Variants in PHF20 observed in about 807,000 individuals in gnomAD.
PHF20 encodes the protein glioma-expressed antigen 2.
Under a neutral mutation model 113.5 loss-of-function variants are expected in PHF20, and 23 were observed. That is an observed-to-expected ratio of 0.20 (90% CI 0.15 to 0.29). The LOEUF is 0.29. Ranked by LOEUF, PHF20 falls within the 10% of genes least tolerant of loss-of-function variation. The pLI is 1.00. For missense variants in PHF20, 943 were observed against 1,219.6 expected (o/e 0.77, Z 3.38); for synonymous variants, 434 against 457.3 (o/e 0.95, Z 0.65).
chr20:35,790,311 C>T (rs2041519621), intron 1 of PHF20, among the ~76,000 whole-genome samples: 1 of 152,058 alleles, frequency 6.6e-6, no homozygotes, highest in Non-Finnish European at 1.5e-5. Flanking sequence ...AGCGATTCTC[C>T]TTCCTCAGCC....
rs1015613794 is a variant in PHF20, at chr20:35,781,667, G to A, written c.-33+9588G>A. 8.7e-4 allele frequency among the ~76,000 whole-genome samples: 132 copies of A among 152,158 alleles called. 1 individual carries two copies. The highest frequency in any genetic ancestry group is 7.9e-4 in the Non-Finnish European group (54 of 68,012). ...CTCCTCAAAATTGAAACTCTGGGCC[G>A]GGTCCAGTGGCTCATGCCTGTAATC... On this transcript the variant is annotated intron_variant, in intron 1 of 17. Coordinates refer to ENST00000374012, the MANE Select transcript of PHF20 (RefSeq NM_016436.5).
intron 2 of PHF20, among the ~76,000 whole-genome samples, chr20:35,816,452 G>GA (rs2042074857): frequency 6.9e-6 from 1 of 143,952 alleles, no homozygotes; most frequent in Non-Finnish European, 1.5e-5. Context: ...CTTTTTTTAA[G>GA]TTTTTTTTTT....
At chr20:35,904,277 A>ATTTTTTTTT (rs34412788) in intron 10 of PHF20, among the ~76,000 whole-genome samples, 3 of 98,924 alleles carry the variant, frequency 3.0e-5, no homozygotes, top group East Asian at 3.0e-4. Context: ...GAATGCTCTG[A>ATTTTTTTTT]TTTTTTTTTT....
At chr20:35,845,780 CTTTTTTT>C (rs398061407) in intron 3 of PHF20, among the ~76,000 whole-genome samples, 2 of 135,286 alleles carry the variant, frequency 1.5e-5, no homozygotes, top group Non-Finnish European at 3.2e-5. Context: ...ATTTTTCTTT[CTTTTTTT>C]TTTTTTTTTT....
intron 2 of PHF20, among the ~76,000 whole-genome samples, chr20:35,829,258 T>A (rs1024735527): frequency 2.6e-5 from 4 of 152,220 alleles, no homozygotes; most frequent in South Asian, 2.1e-4. Context: ...ATTTTAATCA[T>A]TTTTAGGTGT....
In PHF20 at chr20:35,791,467, ATC is replaced by A. The variant is rs1600734532; in HGVS notation, c.-32-10022_-32-10021del. Among the ~76,000 whole-genome samples the A allele has an allele frequency of 4.6e-4, 61 of 133,120 alleles. 3 individuals are homozygous for A. In the East Asian group the frequency reaches 0.012, roughly 26 times the overall value. The allele number at this position is 133,120 out of a possible 152,430, so 87.3% of individuals were successfully genotyped here. A position where few individuals can be genotyped will look rare whatever the true frequency, so the allele number is the denominator to read the frequency against. On this transcript the variant is annotated intron_variant, in intron 1 of 17. Coordinates refer to ENST00000374012, the MANE Select transcript of PHF20 (RefSeq NM_016436.5). Reference sequence around the variant, plus strand: ...TATCTATCTATCTATCTATCTATCTATCTATCTATCTATCTATCTATCTATCT... The same window carrying A: ...TATCTATCTATCTATCTATCTATCTATATCTATCTATCTATCTATCTATCT...
intron 9 of PHF20, among the ~76,000 whole-genome samples, chr20:35,881,520 G>A (rs1386005649): frequency 1.3e-4 from 19 of 142,126 alleles, no homozygotes; most frequent in African/African-American, 4.7e-4. Flanking sequence ...CAGCCTGGGC[G>A]ACAGAGCAAG....
intron 2 of PHF20, among the ~76,000 whole-genome samples, chr20:35,832,357 TAG>T (rs1187694172): frequency 1.3e-5 from 2 of 152,218 alleles, no homozygotes; most frequent in African/African-American, 4.8e-5. Context: ...TTTGTACCTA[TAG>T]ACATACTTAG....
At chr20:35,894,643 T>C (rs1241349144) in intron 9 of PHF20, among the ~76,000 whole-genome samples, 1 of 152,236 alleles carries the variant, frequency 6.6e-6, no homozygotes, top group Non-Finnish European at 1.5e-5. Flanking sequence ...CCGTACACCT[T>C]TCTAAGCTCT....
chr20:35,790,224 G>A (rs1250903638), intron 1 of PHF20, among the ~76,000 whole-genome samples: 2 of 149,792 alleles, frequency 1.3e-5, no homozygotes, highest in Non-Finnish European at 3.0e-5. Context: ...TTTTTTTGAC[G>A]GAGTCTCGCT....
intron 15 of PHF20, among the ~76,000 whole-genome samples, chr20:35,937,295 T>TC (rs1047657857): frequency 3.3e-5 from 5 of 151,734 alleles, no homozygotes; most frequent in African/African-American, 9.7e-5. Context: ...ATGTAGAAAC[T>TC]CCATCTCTAC....
At chr20:35,942,880 G>T (rs1038548214) in intron 17 of PHF20, among the ~76,000 whole-genome samples, 1 of 151,856 alleles carries the variant, frequency 6.6e-6, no homozygotes, top group African/African-American at 2.4e-5. Context: ...CTGGAGTGCA[G>T]TGGTGCCATC....
intron 2 of PHF20, among the ~76,000 whole-genome samples, chr20:35,827,941 A>G (rs192275783): frequency 2.0e-5 from 3 of 152,308 alleles, no homozygotes; most frequent in Non-Finnish European, 2.9e-5. Flanking sequence ...TTAAGTCTTC[A>G]TGGCATGATC....
chr20:35,807,336 T>C lies in PHF20; in HGVS notation c.83+5731T>C, dbSNP rs1044800666. On this transcript the variant is annotated intron_variant, in intron 2 of 17. Transcript: ENST00000374012. ...CTAAGTACTGTCTAGTTTTTGTTGC[T>C]TCTATGAATGGATCTTTTTTTTTTT... Among the ~76,000 whole-genome samples the C allele has an allele frequency of 3.3e-5, 5 of 151,902 alleles. No individual in the cohort carries two copies. In the East Asian group the frequency reaches 9.7e-4, roughly 29 times the overall value.
intron 10 of PHF20, among the ~76,000 whole-genome samples, chr20:35,902,501 T>A (rs1568736538): frequency 6.6e-6 from 1 of 152,196 alleles, no homozygotes; most frequent in Non-Finnish European, 1.5e-5. Flanking sequence ...TAGGACATAG[T>A]GCCTCTGCCT....
chr20:35,791,463 ATCTATCTATCTATCTATCTATCT>A (rs1569120228), intron 1 of PHF20, among the ~76,000 whole-genome samples: 19 of 145,064 alleles, frequency 1.3e-4, no homozygotes, highest in South Asian at 2.2e-4. Flanking sequence ...CTATCTATCT[ATCTATCTATCTATCTATCTATCT>A]ATCTATCTAT....
intron 15 of PHF20, among the ~76,000 whole-genome samples, chr20:35,932,770 G>A (rs2055786096): frequency 6.6e-6 from 1 of 152,102 alleles, no homozygotes; most frequent in Admixed American, 6.5e-5. Flanking sequence ...CTGCACAGTT[G>A]TCATTCATGT....
intron 1 of PHF20, among the ~76,000 whole-genome samples, chr20:35,777,106 A>G (rs748347362): frequency 3.3e-5 from 5 of 152,144 alleles, no homozygotes; most frequent in Admixed American, 3.3e-4. Context: ...GCTGTATTTC[A>G]TTCAGAACTA....
intron 9 of PHF20, among the ~76,000 whole-genome samples, chr20:35,897,174 T>G (rs1220853301): frequency 6.6e-6 from 1 of 152,010 alleles, no homozygotes; most frequent in African/African-American, 2.4e-5. Context: ...GCTGGGACTA[T>G]AGGCACATGC....
Sources: allele counts gnomAD v4.1 joint callset (sites outside exome capture counted in the v4.1 genomes callset), GRCh38; gene constraint gnomAD v4.1.1; transcripts MANE v1.5; gene names NCBI Gene and HGNC (gene_info 2026-07-23, HGNC 2026-07-21).